The following XKR9 variants were observed in gnomAD, a reference collection of about 807,000 sequenced individuals.
XKR9 encodes XK-related protein 9.
XKR9 carries 32 observed loss-of-function variants against 32.0 expected under a neutral mutation model. The ratio of observed to expected loss-of-function variants is 1.00; its 90% confidence interval spans 0.76 to 1.34. The LOEUF is 1.34. Among genes scored for constraint, XKR9 ranks in the 40% most tolerant of loss-of-function variants. The pLI, the probability that XKR9 is intolerant of heterozygous loss-of-function variation, is 0.00. For missense variants in XKR9, 546 were observed against 429.7 expected (o/e 1.27, Z -2.39); for synonymous variants, 168 against 143.4 (o/e 1.17, Z -1.22).
In XKR9 at chr8:70,691,296, A is replaced by T. The variant is rs534982646; in HGVS notation, c.272+9966A>T. Among the ~76,000 whole-genome samples, 8 of 152,316 alleles carry T rather than the reference A, an allele frequency of 5.3e-5. No homozygotes were observed. The South Asian group carries it at 1.7e-3, about 32-fold the overall frequency. On this transcript the variant is annotated intron_variant, in intron 3 of 4. Transcript: ENST00000408926. ...TTGTAAAGTTGTTTAAGTTCCTTAT[A>T]GATACTGGGTATTAGACCTTTGTCA...
the XKR9 span, among the ~76,000 whole-genome samples, chr8:71,062,617 C>G: frequency 6.6e-6 from 1 of 152,080 alleles, no homozygotes; most frequent in South Asian, 2.1e-4. Context: ...CTGCTTAAGC[C>G]AGTTGGGTTT....
chr8:70,967,625 G>T, the XKR9 span, among the ~76,000 whole-genome samples: 3 of 152,222 alleles, frequency 2.0e-5, no homozygotes, highest in Non-Finnish European at 4.4e-5. Flanking sequence ...TACAAGGCAG[G>T]CCTGGTGGTG....
intron 2 of XKR9, among the ~76,000 whole-genome samples, chr8:70,762,469 G>C (rs1807322036): frequency 6.6e-6 from 1 of 152,110 alleles, no homozygotes; most frequent in South Asian, 2.1e-4. Flanking sequence ...GATTCTCATA[G>C]GAGCATGAAC....
At chr8:70,856,521 A>G in the XKR9 span, among the ~76,000 whole-genome samples, 1 of 152,132 alleles carries the variant, frequency 6.6e-6, no homozygotes, top group African/African-American at 2.4e-5. Flanking sequence ...CACAATAATA[A>G]TGGGAGACTT....
the XKR9 span, among the ~76,000 whole-genome samples, chr8:71,020,372 A>G: frequency 7.2e-5 from 11 of 152,298 alleles, no homozygotes; most frequent in African/African-American, 2.2e-4. Context: ...ATTTTCCAAC[A>G]ATAGCCGTGG....
intron 4 of XKR9, among the ~76,000 whole-genome samples, chr8:70,709,689 C>G (rs563619047): frequency 7.2e-5 from 11 of 152,094 alleles, no homozygotes; most frequent in African/African-American, 1.4e-4. Context: ...AGAATGCAAT[C>G]CCTTTTACAG....
the XKR9 span, among the ~76,000 whole-genome samples, chr8:71,022,761 T>G: frequency 0.018 from 2,691 of 152,276 alleles, 69 homozygotes; most frequent in African/African-American, 0.062. Flanking sequence ...CTTGGATGCT[T>G]TATAGTGTCC....
the XKR9 span, among the ~76,000 whole-genome samples, chr8:71,026,282 C>T: frequency 2.6e-5 from 4 of 152,156 alleles, no homozygotes; most frequent in African/African-American, 9.7e-5. Flanking sequence ...TTCCTACTTC[C>T]AATGGTTTGT....
the XKR9 span, among the ~76,000 whole-genome samples, chr8:70,821,270 C>T: frequency 2.0e-5 from 3 of 152,250 alleles, no homozygotes; most frequent in African/African-American, 7.2e-5. Flanking sequence ...CCAGGTCACA[C>T]TGATGCAAGA....
exon 4 of XKR9, chr8:70,790,230 C>G (rs1018461531): frequency 1.3e-5 from 2 of 151,986 alleles, no homozygotes; most frequent in East Asian, 3.9e-4. Context: ...GACCTGTACA[C>G]TACTGTGATT....
chr8:71,012,626 C>T, the XKR9 span, among the ~76,000 whole-genome samples: 1 of 152,146 alleles, frequency 6.6e-6, no homozygotes, highest in Non-Finnish European at 1.5e-5. Flanking sequence ...TCTTTCATTG[C>T]ACTCCTACCA....
At chr8:70,943,691 CTTCATTG>C in the XKR9 span, among the ~76,000 whole-genome samples, 1 of 151,944 alleles carries the variant, frequency 6.6e-6, no homozygotes, top group East Asian at 1.9e-4. Context: ...CTAAGTAAAG[CTTCATTG>C]TTAAAATCCT....
the XKR9 span, among the ~76,000 whole-genome samples, chr8:70,982,435 T>C: frequency 6.6e-6 from 1 of 152,088 alleles, no homozygotes; most frequent in African/African-American, 2.4e-5. Flanking sequence ...TGGCTGCCTC[T>C]GCTGAGTCAT....
intron 3 of XKR9, among the ~76,000 whole-genome samples, chr8:70,705,298 A>G (rs2132172982): frequency 6.6e-6 from 1 of 152,322 alleles, no homozygotes; most frequent in Non-Finnish European, 1.5e-5. Flanking sequence ...TTTCATGTAG[A>G]TTACACTCTT....
intron 2 of XKR9, among the ~76,000 whole-genome samples, chr8:70,748,837 C>A (rs1039253448): frequency 6.6e-6 from 1 of 151,044 alleles, no homozygotes; most frequent in Non-Finnish European, 1.5e-5. Flanking sequence ...CACTTCCTCC[C>A]TTCTGAGCCC....
At chr8:70,909,498 A>G in the XKR9 span, among the ~76,000 whole-genome samples, 1 of 151,990 alleles carries the variant, frequency 6.6e-6, no homozygotes, top group Non-Finnish European at 1.5e-5. Context: ...AACATATATT[A>G]CTTGACATTG....
Position 70,733,788 on chromosome 8 carries a change from T to G in XKR9, c.494-8T>G. 1 of 1,536,116 alleles carries G rather than the reference T, an allele frequency of 6.5e-7. No individual in the cohort carries two copies. Among genetic ancestry groups the G allele is most frequent in the Non-Finnish European group, 8.7e-7 (1 of 1,148,382 alleles). On this transcript the variant is annotated splice_polypyrimidine_tract_variant and splice_region_variant and intron_variant, in intron 4 of 4. Coordinates refer to ENST00000408926, the MANE Select transcript of XKR9 (RefSeq NM_001011720.2). ...TAACAATATATTTTTTATTTTTTTG[T>G]TTTGTAGATGCGGCCATCATGGTCT...
chr8:70,905,059 T>C, the XKR9 span, among the ~76,000 whole-genome samples: 1 of 152,222 alleles, frequency 6.6e-6, no homozygotes, highest in African/African-American at 2.4e-5. Flanking sequence ...TAACATTTTT[T>C]CCTTCATTTC....
chr8:70,817,648 A>C, the XKR9 span, among the ~76,000 whole-genome samples: 2 of 152,154 alleles, frequency 1.3e-5, no homozygotes, highest in African/African-American at 2.4e-5. Flanking sequence ...ATGGGCCCCC[A>C]AAAAGCCCCA....
Sources: allele counts gnomAD v4.1 joint callset (sites outside exome capture counted in the v4.1 genomes callset), GRCh38; gene constraint gnomAD v4.1.1; transcripts MANE v1.5; gene names NCBI Gene and HGNC (gene_info 2026-07-23, HGNC 2026-07-21).